The following CLSPN variants were observed in gnomAD, a reference collection of about 807,000 sequenced individuals.
CLSPN encodes claspin.
Under a neutral mutation model 156.3 loss-of-function variants are expected in CLSPN, and 85 were observed. That is an observed-to-expected ratio of 0.54 (90% CI 0.46 to 0.65). The LOEUF is 0.65. Among genes scored for constraint, CLSPN ranks in the 30% least tolerant of loss-of-function variants. CLSPN has a pLI of 0.00. For synonymous variants in CLSPN, 534 were observed against 542.4 expected (o/e 0.98, Z 0.22); for missense variants, 1,407 against 1,554.9 (o/e 0.90, Z 1.60).
chr1:35,730,689 C>A (rs1371163432), downstream of CLSPN, among the ~76,000 whole-genome samples: 1 of 149,372 alleles, frequency 6.7e-6, no homozygotes. Flanking sequence ...TAACACCTTC[C>A]CCGTCTCTAT....
At chr1:35,721,385 A>ATGTTT (rs1042799360) in intron 24 of CLSPN, among the ~76,000 whole-genome samples, 6 of 151,778 alleles carry the variant, frequency 4.0e-5, no homozygotes, top group Non-Finnish European at 5.9e-5. Flanking sequence ...TGCTATCACC[A>ATGTTT]TGTTTTGTTT....
rs779845855 is a variant in CLSPN at position 35,736,901 on chromosome 1, T to C, written c.3909+13A>G. The C allele has an allele frequency of 6.2e-7, 1 of 1,609,478 alleles. No homozygotes were observed. Among genetic ancestry groups the C allele is most frequent in the Non-Finnish European group, 8.5e-7 (1 of 1,178,250 alleles). ...GTTTGGGAAGCCACCATATTAGTTC[T>C]CAAATTCCATACCTGAGACTTAGAC... On this transcript the variant is annotated intron_variant, in intron 24 of 24. Transcript: ENST00000318121.
intron 8 of CLSPN, among the ~76,000 whole-genome samples, chr1:35,754,957 C>A (rs16822339): frequency 0.18 from 28,097 of 152,078 alleles, 4,115 homozygotes; most frequent in East Asian, 0.7. Flanking sequence ...CTAGCTGTTA[C>A]CTGGAACCAA....
In CLSPN at chr1:35,733,317, TTTC is replaced by T. The variant is rs1641363804; in HGVS notation, c.*3176_*3178del. ...TCTCAGGCACTAATTTTCTTTTTTT[TTTC>T]TTTTTTTTTTTTTTTTTAGAGTTGG... On this transcript the variant is annotated 3_prime_UTR_variant, in exon 25 of 25. Coordinates refer to ENST00000318121, the MANE Select transcript of CLSPN (RefSeq NM_022111.4). 9.2e-6 allele frequency: 2 copies of T among 217,712 alleles called. No individual in the cohort carries two copies. The highest frequency in any genetic ancestry group is 2.1e-4 in the South Asian group (1 of 4,708). 13.5% of individuals were successfully genotyped at this position (217,712 alleles called of 1,614,324 possible). A position where few individuals can be genotyped will look rare whatever the true frequency, so the allele number is the denominator to read the frequency against.
rs1423632167 is a variant in CLSPN at position 35,734,758 on chromosome 1, G to A, written c.*1738C>T. 2.0e-6 allele frequency: 2 copies of A among 983,726 alleles called. No homozygotes were observed. Among genetic ancestry groups the A allele is most frequent in the Non-Finnish European group, 2.4e-6 (2 of 828,828 alleles). The allele number at this position is 983,726 out of a possible 1,614,324, so 60.9% of individuals were successfully genotyped here. A position where few individuals can be genotyped will look rare whatever the true frequency, so the allele number is the denominator to read the frequency against. ...ACTGTAAAAAACCTACAACCTAATT[G>A]CATCAATTAAATTGGTGTTCCCATC... On this transcript the variant is annotated 3_prime_UTR_variant, in exon 25 of 25. Coordinates refer to ENST00000318121, the MANE Select transcript of CLSPN (RefSeq NM_022111.4).
Position 35,768,367 on chromosome 1 carries a change from C to CAA in CLSPN, c.24+1478_24+1479dup, listed in dbSNP as rs34205153. On this transcript the variant is annotated intron_variant, in intron 1 of 24. Transcript: ENST00000318121. ...TGGGCAACAGAGCGAGACTCCGTCT[C>CAA]AAAAAAAAAAAAATTATTAAATTGA... Among the ~76,000 whole-genome samples the CAA allele has an allele frequency of 2.1e-5, 3 of 144,314 alleles. No homozygotes were observed. The South Asian group carries it at 6.5e-4, about 31-fold the overall frequency. The allele number at this position is 144,314 out of a possible 152,430, so 94.7% of individuals were successfully genotyped here.
downstream of CLSPN, among the ~76,000 whole-genome samples, chr1:35,727,642 G>A (rs953762774): frequency 4.6e-5 from 7 of 152,196 alleles, no homozygotes; most frequent in African/African-American, 9.7e-5. Flanking sequence ...CCTTGGAAAC[G>A]GTGAGGGGGG....
Position 35,748,601 on chromosome 1 carries a change from T to G in CLSPN, c.2276A>C (p.Glu759Ala). 1 of 1,613,516 alleles carries G rather than the reference T, an allele frequency of 6.2e-7. No homozygotes were observed. Among genetic ancestry groups the G allele is most frequent in the Non-Finnish European group, 8.5e-7 (1 of 1,179,482 alleles). ...NSGKQPSKLD[E>A]DDSCSLLTKE... is the part of the protein sequence containing the mutation. ...TGTTAGCAATGAACATGAATCATCC[T>G]CATCTAAAGAAAGAGAAACACCTTT... Residue 759 changes from glutamate to alanine, a missense_variant, in exon 13 of 25, where the codon GAG (glutamate) becomes GCG (alanine). Transcript: ENST00000318121.
chr1:35,762,068 T>A lies in CLSPN; in HGVS notation c.825A>T (p.Glu275Asp), dbSNP rs1462375599. 6.2e-7 allele frequency: 1 copy of A among 1,607,162 alleles called. No homozygotes were observed. The highest frequency in any genetic ancestry group is 1.3e-5 in the African/African-American group (1 of 74,778). Reference protein sequence around the residue: ...SELSKGTTRKERKAARLSKEA... With the variant: ...SELSKGTTRKDRKAARLSKEA... ...CTTTACTTAATCTGGCTGCCTTTCT[T>A]TCCTTAAAGAAAACAAGAAGTGAGA... is the stretch of plus-strand genomic sequence containing the variant. Residue 275 changes from glutamate (E) to aspartate (D), a missense_variant and splice_region_variant, in exon 6 of 25, where the codon GAA (glutamate) becomes GAT (aspartate). Transcript: ENST00000318121.
intron 18 of CLSPN, among the ~76,000 whole-genome samples, chr1:35,741,768 A>G (rs1641699205): frequency 6.6e-6 from 1 of 151,312 alleles, no homozygotes; most frequent in Admixed American, 6.6e-5. Context: ...AGGTCAAGAG[A>G]TCGAGACCAT....
chr1:35,753,378 A>T (rs1642158834), intron 9 of CLSPN, among the ~76,000 whole-genome samples: 3 of 117,060 alleles, frequency 2.6e-5, no homozygotes, highest in African/African-American at 9.8e-5. Context: ...GGCATGTGCC[A>T]CTGCACCCAG....
rs57455595 is a variant in CLSPN, at chr1:35,762,619, A to G, written c.745-138T>C. ...ATAATCATCAACTAGAAATTATTAA[A>G]CACACAGCATCCTATTATGCTTAGA... On this transcript the variant is annotated intron_variant, in intron 4 of 24. Coordinates refer to ENST00000318121, the MANE Select transcript of CLSPN (RefSeq NM_022111.4). The G allele has an allele frequency of 5.3e-3, 3,542 of 667,590 alleles. 79 individuals carry two copies. The African/African-American group carries it at 0.057, about 11-fold the overall frequency. 41.4% of individuals were successfully genotyped at this position (667,590 alleles called of 1,614,324 possible). A position where few individuals can be genotyped will look rare whatever the true frequency, so the allele number is the denominator to read the frequency against.
chr1:35,748,437 A>G lies in CLSPN; in HGVS notation c.2440T>C (p.Phe814Leu), dbSNP rs993696297. The G allele has an allele frequency of 3.7e-6, 6 of 1,613,990 alleles. No homozygotes were observed. Among genetic ancestry groups the G allele is most frequent in the African/African-American group, 1.3e-5 (1 of 74,916 alleles). ...GCTGAGCTGACCAAACTGGCTCGAA[A>G]TAGCCCAGGGGAAGGAGATCTGAAT... Reference protein sequence around the residue: ...GGFRSPSPGLFRASLVSSASK... With the variant: ...GGFRSPSPGLLRASLVSSASK... Residue 814 changes from phenylalanine to leucine, a missense_variant, in exon 13 of 25, where the codon TTT (phenylalanine) becomes CTT (leucine). Physicochemically the swap from Phe to Leu is conservative, Grantham distance 22. Transcript: ENST00000318121.
In CLSPN at chr1:35,746,691, C is replaced by G; in HGVS notation, c.2854+75G>C. 1.9e-6 allele frequency: 2 copies of G among 1,036,494 alleles called. No homozygotes were observed. Among genetic ancestry groups the G allele is most frequent in the Non-Finnish European group, 1.5e-6 (1 of 669,564 alleles). The allele number at this position is 1,036,494 out of a possible 1,614,324, so 64.2% of individuals were successfully genotyped here. A position where few individuals can be genotyped will look rare whatever the true frequency, so the allele number is the denominator to read the frequency against. ...AGGATTACAGGCATGAGCCACCCCACCCGCCCAGGGAATTCTTTTCAAGGG... is the reference window on the plus strand; with the variant it reads ...AGGATTACAGGCATGAGCCACCCCAGCCGCCCAGGGAATTCTTTTCAAGGG... On this transcript the variant is annotated intron_variant, in intron 15 of 24. Transcript: ENST00000318121. The surrounding 1 kb of genome is among the most constrained non-coding windows in gnomAD (Gnocchi z 4.2).
At chr1:35,740,609 G>T (rs749850570) in intron 18 of CLSPN, among the ~76,000 whole-genome samples, 2 of 152,050 alleles carry the variant, frequency 1.3e-5, no homozygotes, top group South Asian at 4.2e-4. Context: ...AGTAGAGATA[G>T]GGTTTCACCA....
intron 8 of CLSPN, among the ~76,000 whole-genome samples, chr1:35,757,569 A>G (rs1642317597): frequency 6.6e-6 from 1 of 152,224 alleles, no homozygotes; most frequent in South Asian, 2.1e-4. Context: ...GCAAAATAAT[A>G]CCTGGCACTG....
chr1:35,760,278 G>A, intron 8 of CLSPN, 64 bp downstream of exon 8: 1 of 1,306,868 alleles, frequency 7.7e-7, no homozygotes, highest in Non-Finnish European at 1.1e-6. Flanking sequence ...CTCGACAGTA[G>A]TCAATAATCA....
chr1:35,743,840 T>C (rs1165079767), intron 16 of CLSPN, among the ~76,000 whole-genome samples: 1 of 152,188 alleles, frequency 6.6e-6, no homozygotes, highest in Non-Finnish European at 1.5e-5. Context: ...CAGGTTCATC[T>C]TGAATTTCTG....
rs1557502343 is a variant in CLSPN, at chr1:35,739,167, C to T, written c.3399G>A (p.Gly1133=). The part of the protein sequence containing the change: ...ADGDLHSDGP[G]RMRKFRWKNI... ...TTTTCCATCGAAACTTCCTCATTCG[C>T]CCAGGACCATCGCTGTGCAGATCCC... The change falls in exon 20 of 25, where the codon GGG becomes GGA. Residue 1133 remains glycine, a synonymous_variant. Coordinates refer to ENST00000318121, the MANE Select transcript of CLSPN (RefSeq NM_022111.4). The T allele has an allele frequency of 1.9e-6, 3 of 1,614,150 alleles. No homozygotes were observed. The highest frequency in any genetic ancestry group is 2.5e-6 in the Non-Finnish European group (3 of 1,180,032).
Sources: allele counts gnomAD v4.1 joint callset (sites outside exome capture counted in the v4.1 genomes callset), GRCh38; gene constraint gnomAD v4.1.1; non-coding constraint Gnocchi (gnomAD v3.1); transcripts MANE v1.5; gene names NCBI Gene and HGNC (gene_info 2026-07-23, HGNC 2026-07-21).